Variants in GRID2 observed in about 807,000 individuals in gnomAD.
GRID2 encodes glutamate ionotropic receptor delta type subunit 2.
GRID2 carries 33 observed loss-of-function variants against 114.8 expected under a neutral mutation model. The ratio of observed to expected loss-of-function variants is 0.29; its 90% CI spans 0.22 to 0.38. The LOEUF (loss-of-function observed/expected upper bound fraction) is 0.38, where lower values mean the gene tolerates loss of function less well. GRID2 is among the 10% of genes least tolerant of loss of function. The probability of loss-of-function intolerance (pLI) is 1.00; values close to 1 mark genes in which losing one functional copy is unlikely to be tolerated. For synonymous variants in GRID2, 505 were observed against 449.9 expected (o/e 1.12, Z -1.55); for missense variants, 1,184 against 1,257.7 (o/e 0.94, Z 0.89).
At chr4:92,368,475 A>G (rs897168145) in intron 1 of GRID2, among the ~76,000 whole-genome samples, 9 of 152,114 alleles carry the variant, frequency 5.9e-5, no homozygotes, top group Admixed American at 5.2e-4. Flanking sequence ...CAATAACAAT[A>G]TATTTAAAGT....
At chr4:93,036,578 A>G (rs1209793977) in intron 2 of GRID2, among the ~76,000 whole-genome samples, 2 of 152,184 alleles carry the variant, frequency 1.3e-5, no homozygotes, top group Non-Finnish European at 2.9e-5. Context: ...TATTTTTGCT[A>G]ATAGTCATAA....
At chr4:92,894,502 T>C (rs1193973736) in intron 2 of GRID2, among the ~76,000 whole-genome samples, 3 of 152,132 alleles carry the variant, frequency 2.0e-5, no homozygotes, top group Non-Finnish European at 4.4e-5. Context: ...AAGTACAGAA[T>C]CCTGAGGGTC....
intron 11 of GRID2, among the ~76,000 whole-genome samples, chr4:93,476,007 T>G (rs1260169044): frequency 1.3e-5 from 2 of 152,086 alleles, no homozygotes; most frequent in Non-Finnish European, 2.9e-5. Flanking sequence ...CAGCCCTCAT[T>G]TCATTGCCAG....
intron 8 of GRID2, among the ~76,000 whole-genome samples, chr4:93,333,525 G>T (rs761257882): frequency 1.2e-4 from 18 of 152,066 alleles, no homozygotes; most frequent in Non-Finnish European, 2.6e-4. Flanking sequence ...TTCCCCTTCT[G>T]AGAACTGAAA....
At chr4:93,566,916 G>T (rs1390986621) in intron 13 of GRID2, among the ~76,000 whole-genome samples, 4 of 152,156 alleles carry the variant, frequency 2.6e-5, no homozygotes, top group Admixed American at 6.5e-5. Context: ...AACTTTCAAG[G>T]TTAGACCAGG....
chr4:92,877,636 C>T (rs1370787851), intron 2 of GRID2, among the ~76,000 whole-genome samples: 1 of 152,084 alleles, frequency 6.6e-6, no homozygotes, highest in East Asian at 1.9e-4. Context: ...TCAGCATAAC[C>T]AGGCTACAAT....
intron 8 of GRID2, among the ~76,000 whole-genome samples, chr4:93,345,883 A>G (rs778941747): frequency 6.6e-5 from 10 of 152,256 alleles, no homozygotes; most frequent in Admixed American, 2.6e-4. Context: ...TTCCCAATGC[A>G]CATTTATTGA....
chr4:92,621,026 G>A (rs1398532748), intron 2 of GRID2, among the ~76,000 whole-genome samples: 1 of 150,756 alleles, frequency 6.6e-6, no homozygotes, highest in East Asian at 2.0e-4. Context: ...TTTAACCCAG[G>A]CATTCTCAGA....
chr4:92,642,392 AT>A, intron 2 of GRID2, among the ~76,000 whole-genome samples: 1 of 151,798 alleles, frequency 6.6e-6, no homozygotes, highest in Non-Finnish European at 1.5e-5. Flanking sequence ...CTAATTCGTG[AT>A]GATAAGCATT....
In GRID2 at chr4:92,958,865, A is replaced by T. The variant is rs142762675; in HGVS notation, c.245-126130A>T. Among the ~76,000 whole-genome samples the T allele has an allele frequency of 6.9e-3, 1,055 of 152,116 alleles. 7 individuals carry two copies. The highest frequency in any genetic ancestry group is 0.02 in the Middle Eastern group (6 of 294). On this transcript the variant is annotated intron_variant, in intron 2 of 15. Coordinates refer to ENST00000282020, the MANE Select transcript of GRID2 (RefSeq NM_001510.4). ...TTGTTTGGTAAATATTCACCTATTC[A>T]GATTGCCATTTCTTCTTGGGTGAGA...
chr4:92,946,182 A>T (rs1009799730), intron 2 of GRID2, among the ~76,000 whole-genome samples: 1 of 152,136 alleles, frequency 6.6e-6, no homozygotes, highest in Non-Finnish European at 1.5e-5. Flanking sequence ...TGGATATGCG[A>T]ATGGATTCCA....
At chr4:93,749,908 C>A (rs1356608607) in intron 14 of GRID2, among the ~76,000 whole-genome samples, 1 of 152,180 alleles carries the variant, frequency 6.6e-6, no homozygotes, top group Non-Finnish European at 1.5e-5. Context: ...CAGTAACTAC[C>A]TCACAGGGTG....
At chr4:93,057,310 T>C (rs1727350571) in intron 2 of GRID2, among the ~76,000 whole-genome samples, 1 of 151,878 alleles carries the variant, frequency 6.6e-6, no homozygotes, top group African/African-American at 2.4e-5. Context: ...CTGTTTCAGT[T>C]AGTAAAGCTT....
chr4:93,635,550 A>T (rs1721337530), intron 14 of GRID2, among the ~76,000 whole-genome samples: 1 of 152,054 alleles, frequency 6.6e-6, no homozygotes, highest in Admixed American at 6.6e-5. Context: ...GGAATATGCT[A>T]TTCCTATTTC....
intron 8 of GRID2, among the ~76,000 whole-genome samples, chr4:93,315,694 G>T (rs1314036033): frequency 6.6e-6 from 1 of 152,050 alleles, no homozygotes; most frequent in African/African-American, 2.4e-5. Context: ...AATATTTATG[G>T]AATGAATGAA....
chr4:93,490,459 T>C (rs954159227), intron 11 of GRID2, among the ~76,000 whole-genome samples, 180 bp from the exon 12 acceptor site: 1 of 151,886 alleles, frequency 6.6e-6, no homozygotes, highest in African/African-American at 2.4e-5. Context: ...TGGCTGGGTC[T>C]TTCATAATCT....
At chr4:93,766,010 G>A (rs554445628) in intron 14 of GRID2, among the ~76,000 whole-genome samples, 3 of 152,096 alleles carry the variant, frequency 2.0e-5, no homozygotes, top group Non-Finnish European at 4.4e-5. Context: ...AAAAGAATAG[G>A]ATCTGATATC....
intron 1 of GRID2, among the ~76,000 whole-genome samples, chr4:92,418,555 G>T (rs1380419130): frequency 6.6e-6 from 1 of 152,044 alleles, no homozygotes; most frequent in Non-Finnish European, 1.5e-5. Flanking sequence ...GGCATGGACA[G>T]AAAGAATTGG....
intron 8 of GRID2, among the ~76,000 whole-genome samples, chr4:93,376,071 C>T (rs966075646): frequency 2.0e-5 from 3 of 152,144 alleles, no homozygotes; most frequent in African/African-American, 7.2e-5. Context: ...GTAACTACAA[C>T]AGTCTGATTA....
Sources: allele counts gnomAD v4.1 joint callset (sites outside exome capture counted in the v4.1 genomes callset), GRCh38; gene constraint gnomAD v4.1.1; transcripts MANE v1.5; gene names NCBI Gene and HGNC (gene_info 2026-07-23, HGNC 2026-07-21).